The following IGSF22 variants were observed in gnomAD, a reference collection of about 807,000 sequenced individuals.
IGSF22 encodes immunoglobulin superfamily member 22.
A neutral mutation model predicts 127.0 loss-of-function variants in IGSF22; 119 were observed. The ratio of observed to expected loss-of-function variants is 0.94; its 90% confidence interval spans 0.81 to 1.09. IGSF22 has a LOEUF of 1.09. IGSF22 is among the 50% of genes least tolerant of loss of function. The probability of loss-of-function intolerance (pLI) is 0.00; values close to 1 mark genes in which losing one functional copy is unlikely to be tolerated. For missense variants in IGSF22, 1,518 were observed against 1,716.6 expected, an observed-to-expected ratio of 0.88 and a Z score of 2.04; for synonymous variants, 568 against 664.7, an observed-to-expected ratio of 0.85 and a Z score of 2.24.
chr11:18,718,168 G>T (rs1028344603), intron 8 of IGSF22, 75 bp from the exon 9 acceptor site: 5 of 1,405,414 alleles, frequency 3.6e-6, no homozygotes, highest in Non-Finnish European at 4.9e-6. Context: ...ATTCCCCAGC[G>T]CCAGCCTAAG....
In IGSF22 at chr11:18,716,093, A is replaced by G. The variant is rs1848458463; in HGVS notation, c.1247-377T>C. Reference sequence around the variant, plus strand: ...ATTACCTCTGCTGGGGATGTTCTCTACTCTCCCTCATTCTTTGAAAGCAGT... The same window carrying G: ...ATTACCTCTGCTGGGGATGTTCTCTGCTCTCCCTCATTCTTTGAAAGCAGT... On this transcript the variant is annotated intron_variant, in intron 10 of 22. Transcript: ENST00000513874. This position sits in a 1 kb window ranked among gnomAD's most constrained non-coding sequence, Gnocchi z 4.5. 6.6e-6 allele frequency among the ~76,000 whole-genome samples: 1 copy of G among 150,548 alleles called. No individual in the cohort carries two copies. Among genetic ancestry groups the G allele is most frequent in the African/African-American group, 2.4e-5 (1 of 40,836 alleles).
Position 18,713,782 on chromosome 11 carries a change from T to G in IGSF22, c.2095+70A>C. ...TCTAACTCTGGCCTCCTACTCAGCC[T>G]GCCTTCTGCCCTGAGTCTGGGCAGC... is the stretch of plus-strand genomic sequence containing the variant. On this transcript the variant is annotated intron_variant, in intron 14 of 22. Transcript: ENST00000513874. 6 of 1,273,548 alleles carry G rather than the reference T, an allele frequency of 4.7e-6. 1 individual carries two copies. Among genetic ancestry groups the G allele is most frequent in the South Asian group, 4.2e-5 (3 of 70,650 alleles). The allele number at this position is 1,273,548 out of a possible 1,614,324, so 78.9% of individuals were successfully genotyped here.
intron 18 of IGSF22, 80 bp from the exon 19 acceptor site, chr11:18,708,375 T>C: frequency 9.4e-7 from 1 of 1,063,874 alleles, no homozygotes; most frequent in Non-Finnish European, 1.3e-6. Flanking sequence ...ATCAAAGCCT[T>C]CCCAACCTCT....
chr11:18,725,485 G>A (rs996931941), intron 1 of IGSF22, among the ~76,000 whole-genome samples: 6 of 151,770 alleles, frequency 4.0e-5, no homozygotes, highest in Non-Finnish European at 8.8e-5. Flanking sequence ...CTGTTGCCCA[G>A]GCTGGAGTGC....
In IGSF22 at chr11:18,709,763, C is replaced by T; in HGVS notation, c.2702-80G>A. On this transcript the variant is annotated intron_variant, in intron 17 of 22. Coordinates refer to ENST00000513874, the MANE Select transcript of IGSF22 (RefSeq NM_173588.4). The surrounding 1 kb of genome is among the most constrained non-coding windows in gnomAD (Gnocchi z 4.8). ...TTGCTCACTTCCCACACTCAATACT[C>T]CTGAACCCCATCCTTCACTACTTCT... 4 of 1,400,756 alleles carry T rather than the reference C, an allele frequency of 2.9e-6. No individual in the cohort carries two copies. The South Asian group carries it at 4.1e-5, about 14-fold the overall frequency. 86.8% of individuals were successfully genotyped at this position (1,400,756 alleles called of 1,614,324 possible).
intron 1 of IGSF22, 129 bp downstream of exon 1, chr11:18,725,945 G>C (rs902733670): frequency 7.2e-5 from 11 of 152,484 alleles, no homozygotes; most frequent in African/African-American, 2.2e-4. Context: ...ATCTCTGCCT[G>C]GGCTGCTTCT....
rs773124117 is a variant in IGSF22, at chr11:18,709,702, G to A, written c.2702-19C>T. 6 of 1,606,266 alleles carry A rather than the reference G, an allele frequency of 3.7e-6. No individual in the cohort carries two copies. In the East Asian group the frequency reaches 9.0e-5, roughly 24 times the overall value. On this transcript the variant is annotated intron_variant, in intron 17 of 22. Transcript: ENST00000513874. The surrounding 1 kb of genome is among the most constrained non-coding windows in gnomAD (Gnocchi z 4.8). ...GGGGGTTCTGGGGTAGAACAGACATGTAGTCAGCCCCTCCAACTCATCTCC... is the reference window on the plus strand; with the variant it reads ...GGGGGTTCTGGGGTAGAACAGACATATAGTCAGCCCCTCCAACTCATCTCC...
chr11:18,714,469 T>G (rs1848421739), intron 12 of IGSF22, 31 bp downstream of exon 12: 1 of 1,614,174 alleles, frequency 6.2e-7, no homozygotes. Flanking sequence ...GTCTACCTCC[T>G]TCACCCCCTT....
chr11:18,724,098 C>T lies in IGSF22; in HGVS notation c.109+30G>A, dbSNP rs367631099. ...GTGGAGGAAGAATAGCTGCCCTTCC[C>T]GATCCCTTCCCTGCCCCCATTCCAC... On this transcript the variant is annotated intron_variant, in intron 2 of 22. Transcript: ENST00000513874. The T allele has an allele frequency of 6.4e-6, 10 of 1,565,714 alleles. No homozygotes were observed. The Admixed American group carries it at 6.7e-5, about 10-fold the overall frequency.
intron 20 of IGSF22, 31 bp downstream of exon 20, chr11:18,707,773 G>C: frequency 6.5e-7 from 1 of 1,537,096 alleles, no homozygotes; most frequent in Non-Finnish European, 8.8e-7. Flanking sequence ...TACAGGGATG[G>C]GTCTTGGAGG....
In IGSF22 at chr11:18,711,144, CAA is replaced by C. The variant is rs11334287; in HGVS notation, c.2399-318_2399-317del. Among the ~76,000 whole-genome samples, 236 of 148,862 alleles carry C rather than the reference CAA, an allele frequency of 1.6e-3. 1 individual carries two copies. The highest frequency in any genetic ancestry group is 5.7e-3 in the African/African-American group (233 of 40,636). On this transcript the variant is annotated intron_variant, in intron 15 of 22. Coordinates refer to ENST00000513874, the MANE Select transcript of IGSF22 (RefSeq NM_173588.4). ...AGTAAAAACAAAAATGAAAACAAAACAAAAAAAAAACCACTGACAACAACTAG... is the reference window on the plus strand; with the variant it reads ...AGTAAAAACAAAAATGAAAACAAAACAAAAAAAACCACTGACAACAACTAG...
chr11:18,714,350 CA>C lies in IGSF22; in HGVS notation c.1724del (p.Met575ArgfsTer45). ...GAVHKLIFPS[M>X]GPEHEGKYTF... Reference sequence around the variant, plus strand: ...TGTACTTGCCCTCGTGCTCAGGGCCCATACTGGGAAAGATGAGCTTGTGCAC... The same window carrying C: ...TGTACTTGCCCTCGTGCTCAGGGCCCTACTGGGAAAGATGAGCTTGTGCAC... On this transcript the variant is annotated frameshift_variant, in exon 13 of 23. Transcript: ENST00000513874. LOFTEE classifies it high-confidence loss of function. 1 of 1,614,236 alleles carries C rather than the reference CA, an allele frequency of 6.2e-7. No individual in the cohort carries two copies. The highest frequency in any genetic ancestry group is 8.5e-7 in the Non-Finnish European group (1 of 1,180,044).
chr11:18,718,512 C>T, intron 8 of IGSF22, 103 bp downstream of exon 8: 1 of 795,630 alleles, frequency 1.3e-6, no homozygotes, highest in Non-Finnish European at 2.3e-6. Flanking sequence ...AGGAGGCATC[C>T]TCTTGATGGG....
In IGSF22 at chr11:18,716,321, G is replaced by A. The variant is rs1848462742; in HGVS notation, c.1246+407C>T. Among the ~76,000 whole-genome samples the A allele has an allele frequency of 6.6e-6, 1 of 152,182 alleles. No individual in the cohort carries two copies. The highest frequency in any genetic ancestry group is 2.4e-5 in the African/African-American group (1 of 41,430). On this transcript the variant is annotated intron_variant, in intron 10 of 22. Transcript: ENST00000513874. This position sits in a 1 kb window ranked among gnomAD's most constrained non-coding sequence, Gnocchi z 4.5. Reference sequence around the variant, plus strand: ...CCATGTGATATAGATTCCAGGTGCGGTTCAGATGTGTGACATGCTCATTGG... The same window carrying A: ...CCATGTGATATAGATTCCAGGTGCGATTCAGATGTGTGACATGCTCATTGG...
At chr11:18,717,086 C>G in intron 9 of IGSF22, 86 bp from the exon 10 acceptor site, 1 of 1,440,894 alleles carries the variant, frequency 6.9e-7, no homozygotes, top group South Asian at 1.3e-5. Context: ...ATGTCACTGG[C>G]CTCCTGTAGC....
At chr11:18,715,809 C>G in intron 10 of IGSF22, 93 bp from the exon 11 acceptor site, 1 of 1,354,758 alleles carries the variant, frequency 7.4e-7, no homozygotes, top group Non-Finnish European at 1.0e-6. Context: ...CTTTCTGTCC[C>G]CAGAAAACAC....
intron 2 of IGSF22, 78 bp from the exon 3 acceptor site, chr11:18,722,119 G>A: frequency 6.5e-7 from 1 of 1,541,578 alleles, no homozygotes; most frequent in Non-Finnish European, 8.9e-7. Context: ...GCTTTCTTGA[G>A]AGGACGGTGG....
Position 18,720,216 on chromosome 11 carries a change from T to C in IGSF22, c.448A>G (p.Ile150Val), listed in dbSNP as rs754792495. ...GTTACCAGCAGAGATACGGTATAGATGGCATCTGCATGGTCATTGCTTGCA... is the reference window on the plus strand; with the variant it reads ...GTTACCAGCAGAGATACGGTATAGACGGCATCTGCATGGTCATTGCTTGCA... The part of the protein sequence containing the change: ...CIASNDHADA[I>V]YTVSLLVTEG... Residue 150 changes from isoleucine (I) to valine (V), a missense_variant, in exon 5 of 23, where the codon ATC (isoleucine) becomes GTC (valine). Ile to Val is a conservative substitution (Grantham distance 29). Transcript: ENST00000513874. 3 of 1,614,090 alleles carry C rather than the reference T, an allele frequency of 1.9e-6. No homozygotes were observed. The highest frequency in any genetic ancestry group is 2.5e-6 in the Non-Finnish European group (3 of 1,180,024).
intron 2 of IGSF22, among the ~76,000 whole-genome samples, 196 bp downstream of exon 2, chr11:18,723,925 GGAGATCT>G (rs1388796013): frequency 9.2e-5 from 14 of 152,324 alleles, no homozygotes; most frequent in African/African-American, 3.4e-4. Context: ...CTGTTTTCCT[GGAGATCT>G]GATCTGTGTT....
Sources: allele counts gnomAD v4.1 joint callset (sites outside exome capture counted in the v4.1 genomes callset), GRCh38; gene constraint gnomAD v4.1.1; non-coding constraint Gnocchi (gnomAD v3.1); transcripts MANE v1.5; gene names NCBI Gene and HGNC (gene_info 2026-07-23, HGNC 2026-07-21).